USP33: variants seen among roughly 807,000 people sequenced by gnomAD.
USP33 encodes ubiquitin carboxyl-terminal hydrolase 33.
Under a neutral mutation model 124.2 loss-of-function variants are expected in USP33, and 46 were observed. That is an observed-to-expected ratio of 0.37 (90% CI 0.29 to 0.47). The LOEUF (loss-of-function observed/expected upper bound fraction) is 0.47. Among genes scored for constraint, USP33 ranks in the 20% least tolerant of loss-of-function variants. The pLI, the probability that USP33 is intolerant of heterozygous loss-of-function variation, is 0.99. For missense variants in USP33, 851 were observed against 1,070.6 expected (o/e 0.79, Z 2.86); for synonymous variants, 350 against 352.3 (o/e 0.99, Z 0.07).
intron 1 of USP33, among the ~76,000 whole-genome samples, chr1:77,755,292 C>T (rs920104695): frequency 6.6e-6 from 1 of 152,192 alleles, no homozygotes; most frequent in Non-Finnish European, 1.5e-5. Flanking sequence ...CAAATGAGAA[C>T]CACCATAAGA....
In USP33 at chr1:77,717,105, G is replaced by C. The variant is rs538127236; in HGVS notation, c.1918+762C>G. Among the ~76,000 whole-genome samples the C allele has an allele frequency of 2.0e-5, 3 of 151,996 alleles. No individual in the cohort carries two copies. In the South Asian group the frequency reaches 6.2e-4, roughly 32 times the overall value. ...TGGTCACGAACTCCTGACTTCAGAT[G>C]ATCCACCTGCCTTGGCCTCCCAGTG... On this transcript the variant is annotated intron_variant, in intron 17 of 23. Transcript: ENST00000370794.
At chr1:77,722,845 T>C (rs1183282501) in intron 12 of USP33, among the ~76,000 whole-genome samples, 1 of 152,246 alleles carries the variant, frequency 6.6e-6, no homozygotes, top group East Asian at 1.9e-4. Context: ...AAATTCATGA[T>C]GATTTTAATG....
intron 1 of USP33, among the ~76,000 whole-genome samples, chr1:77,754,951 C>A (rs1439039680): frequency 6.6e-6 from 1 of 152,132 alleles, no homozygotes; most frequent in East Asian, 1.9e-4. Context: ...TTTTAAAAAT[C>A]TGTCCAATAA....
intron 17 of USP33, among the ~76,000 whole-genome samples, chr1:77,716,497 C>G (rs1298501240): frequency 6.6e-6 from 1 of 152,218 alleles, no homozygotes; most frequent in Non-Finnish European, 1.5e-5. Flanking sequence ...TTGCAGACAG[C>G]AGCCTCGACG....
At chr1:77,698,321 C>A (rs368758625) in intron 22 of USP33, among the ~76,000 whole-genome samples, 3 of 151,526 alleles carry the variant, frequency 2.0e-5, no homozygotes, top group East Asian at 3.9e-4. Context: ...GATCTACCCA[C>A]CTCAGCCTCC....
chr1:77,711,947 C>T, intron 20 of USP33, 92 bp from the exon 21 acceptor site: 1 of 1,230,568 alleles, frequency 8.1e-7, no homozygotes, highest in East Asian at 2.6e-5. Context: ...AATAAATCCT[C>T]TTAATAAAAT....
At chr1:77,752,778 T>C (rs927204489) in intron 1 of USP33, among the ~76,000 whole-genome samples, 2 of 152,102 alleles carry the variant, frequency 1.3e-5, no homozygotes, top group Admixed American at 6.6e-5. Context: ...AAACTATTTT[T>C]TAAAATAAGC....
intron 10 of USP33, among the ~76,000 whole-genome samples, chr1:77,727,628 T>C (rs745676082): frequency 8.8e-4 from 134 of 152,190 alleles, no homozygotes; most frequent in Non-Finnish European, 1.6e-3. Flanking sequence ...CTTCAGTAAT[T>C]ACAGAAAATA....
chr1:77,732,109 T>TAAA (rs77932938), intron 7 of USP33, among the ~76,000 whole-genome samples: 1 of 128,998 alleles, frequency 7.8e-6, no homozygotes, highest in Non-Finnish European at 1.7e-5. Context: ...GTCTCTAACT[T>TAAA]AAAAAAAAAA....
chr1:77,697,890 T>C lies in USP33; in HGVS notation c.2551A>G (p.Lys851Glu), dbSNP rs963080139. 2 of 1,611,408 alleles carry C rather than the reference T, an allele frequency of 1.2e-6. No individual in the cohort carries two copies. The highest frequency in any genetic ancestry group is 8.5e-7 in the Non-Finnish European group (1 of 1,179,320). Reference sequence around the variant, plus strand: ...TGCCTAAGCATCACATTACCACATTTAGTGACTGCAATCTTAGTATTGTCA... The same window carrying C: ...TGCCTAAGCATCACATTACCACATTCAGTGACTGCAATCTTAGTATTGTCA... ...PIDNTKIAVT[K>E]CGNVMLRQGA... is the part of the protein sequence containing the mutation. The change falls in exon 23 of 24, where the codon AAA (lysine) becomes GAA (glutamate). Residue 851 changes from lysine (K) to glutamate (E), a missense_variant. Lys to Glu is a moderately conservative substitution (Grantham distance 56, BLOSUM62 1). Coordinates refer to ENST00000370794, the MANE Select transcript of USP33 (RefSeq NM_201624.3).
chr1:77,698,104 T>C (rs2101143939), intron 22 of USP33, among the ~76,000 whole-genome samples, 173 bp from the exon 23 acceptor site: 1 of 151,742 alleles, frequency 6.6e-6, no homozygotes, highest in East Asian at 1.9e-4. Flanking sequence ...CTCGCTCTGT[T>C]GCCCAGGCTG....
At chr1:77,758,057 G>C (rs1405733232) in intron 1 of USP33, among the ~76,000 whole-genome samples, 1 of 148,838 alleles carries the variant, frequency 6.7e-6, no homozygotes, top group East Asian at 2.0e-4. Context: ...AGAAAAGACA[G>C]AAAAAAAGTG....
intron 14 of USP33, 33 bp downstream of exon 14, chr1:77,721,798 C>A: frequency 1.3e-6 from 2 of 1,570,980 alleles, no homozygotes; most frequent in Non-Finnish European, 1.7e-6. Context: ...GATTTACCTA[C>A]AAAAATTTAG....
chr1:77,724,030 A>T (rs1179105947), intron 11 of USP33, among the ~76,000 whole-genome samples: 1 of 152,088 alleles, frequency 6.6e-6, no homozygotes, highest in African/African-American at 2.4e-5. Context: ...AAATGAACAA[A>T]ATTCTAAATT....
intron 22 of USP33, among the ~76,000 whole-genome samples, chr1:77,698,500 GTTTTT>G (rs796138788): frequency 8.6e-6 from 1 of 116,400 alleles, no homozygotes; most frequent in South Asian, 2.9e-4. Flanking sequence ...GAAATGTTTT[GTTTTT>G]TTTTTTTTTT....
chr1:77,733,417 C>A (rs985416259), intron 7 of USP33, among the ~76,000 whole-genome samples: 2 of 151,430 alleles, frequency 1.3e-5, no homozygotes, highest in East Asian at 1.9e-4. Context: ...AAAAAAAAGT[C>A]TCTTCTTCAA....
intron 1 of USP33, among the ~76,000 whole-genome samples, chr1:77,758,201 G>A (rs1373739911): frequency 4.4e-5 from 4 of 90,910 alleles, no homozygotes; most frequent in Non-Finnish European, 7.8e-5. Flanking sequence ...TTTTTTTTGA[G>A]ACAGAGTCTC....
intron 4 of USP33, among the ~76,000 whole-genome samples, chr1:77,740,198 G>A (rs983815685): frequency 2.0e-5 from 3 of 152,216 alleles, no homozygotes; most frequent in African/African-American, 7.2e-5. Context: ...GCAGAAAGGT[G>A]AGTCCAGTTA....
In USP33 at chr1:77,697,211, GA is replaced by G. The variant is rs373665529; in HGVS notation, c.*105del. The G allele has an allele frequency of 5.8e-5, 64 of 1,103,484 alleles. No individual in the cohort carries two copies. The highest frequency in any genetic ancestry group is 3.5e-4 in the Admixed American group (13 of 36,650). 68.4% of individuals were successfully genotyped at this position (1,103,484 alleles called of 1,614,324 possible). A position where few individuals can be genotyped will look rare whatever the true frequency, so the allele number is the denominator to read the frequency against. Reference sequence around the variant, plus strand: ...AGAAGAAATAAATGGGATAAATGATGAAAAAAAATAAAGCAAATAAACACGC... The same window carrying G: ...AGAAGAAATAAATGGGATAAATGATGAAAAAAATAAAGCAAATAAACACGC... On this transcript the variant is annotated 3_prime_UTR_variant, in exon 24 of 24. Transcript: ENST00000370794.
Sources: allele counts gnomAD v4.1 joint callset (sites outside exome capture counted in the v4.1 genomes callset), GRCh38; gene constraint gnomAD v4.1.1; transcripts MANE v1.5; gene names NCBI Gene and HGNC (gene_info 2026-07-23, HGNC 2026-07-21).